SPON1: variants seen among roughly 807,000 people sequenced by gnomAD.
SPON1 encodes spondin-1.
SPON1 carries 52 observed loss-of-function variants against 111.7 expected under a neutral mutation model. The observed-to-expected ratio is 0.47, with a 90% CI of 0.37 to 0.59. SPON1 has a LOEUF of 0.59. Among genes scored for constraint, SPON1 ranks in the 20% least tolerant of loss-of-function variants. SPON1 has a pLI of 0.00. For synonymous variants in SPON1, 410 were observed against 395.8 expected (o/e 1.04, Z -0.43); for missense variants, 957 against 1,068.5 (o/e 0.90, Z 1.46).
rs559129866 is a variant in SPON1, at chr11:14,257,958, C to T, written c.1492+60C>T. On this transcript the variant is annotated intron_variant, in intron 11 of 15. Transcript: ENST00000576479. ...AGGAGTTCAGGAAGGGAGGGTCTGC[C>T]TAGCAGTCAGACAGTGTCCCTGGTG... is the stretch of plus-strand genomic sequence containing the variant. The T allele has an allele frequency of 1.5e-4, 223 of 1,440,338 alleles. 1 individual carries two copies. The Admixed American group carries it at 2.8e-3, about 18-fold the overall frequency. 89.2% of individuals were successfully genotyped at this position (1,440,338 alleles called of 1,614,324 possible).
intron 3 of SPON1, among the ~76,000 whole-genome samples, chr11:14,047,064 A>G (rs1444150632): frequency 6.7e-6 from 1 of 149,776 alleles, no homozygotes; most frequent in African/African-American, 2.5e-5. Context: ...GCACTGCTGA[A>G]CTCTCTTGGT....
At chr11:14,071,523 C>T (rs1848876146) in intron 3 of SPON1, among the ~76,000 whole-genome samples, 1 of 152,176 alleles carries the variant, frequency 6.6e-6, no homozygotes. Context: ...TGCCCACCAT[C>T]ACAACCTAAG....
At chr11:14,072,902 G>A (rs1157385449) in intron 3 of SPON1, among the ~76,000 whole-genome samples, 3 of 152,086 alleles carry the variant, frequency 2.0e-5, no homozygotes, top group Non-Finnish European at 2.9e-5. Context: ...CCATCTCCCT[G>A]CAGGCTCTGG....
intron 5 of SPON1, among the ~76,000 whole-genome samples, chr11:14,085,290 A>C (rs1456830308): frequency 6.6e-6 from 1 of 152,242 alleles, no homozygotes; most frequent in Non-Finnish European, 1.5e-5. Context: ...TTTACATTTA[A>C]GTCTTTAATA....
At chr11:14,115,976 G>T (rs1849263915) in intron 5 of SPON1, among the ~76,000 whole-genome samples, 1 of 152,130 alleles carries the variant, frequency 6.6e-6, no homozygotes, top group Non-Finnish European at 1.5e-5. Flanking sequence ...ATATCACGTT[G>T]GGATTTTGAT....
In SPON1 at chr11:14,078,950, G is replaced by A. The variant is rs575602638; in HGVS notation, c.554-949G>A. On this transcript the variant is annotated intron_variant, in intron 4 of 15. Transcript: ENST00000576479. ...AAATGCTCTTCCTAACACTCACAAT[G>A]ATTTTAACATTCTTTGCCACTACTC... is the stretch of plus-strand genomic sequence containing the variant. 3.0e-4 allele frequency among the ~76,000 whole-genome samples: 45 copies of A among 152,050 alleles called. No individual in the cohort carries two copies. The South Asian group carries it at 4.8e-3, about 16-fold the overall frequency.
rs1329014699 is a variant in SPON1, at chr11:14,146,635, T to A, written c.825+11067T>A. 2.0e-5 allele frequency among the ~76,000 whole-genome samples: 3 copies of A among 151,998 alleles called. No individual in the cohort carries two copies. The East Asian group carries it at 5.8e-4, about 29-fold the overall frequency. ...GCTATAGAAATAGAAAACTAAACAG[T>A]CAACAATAGTCAGAAAATGTTTGAA... On this transcript the variant is annotated intron_variant, in intron 6 of 15. Coordinates refer to ENST00000576479, the MANE Select transcript of SPON1 (RefSeq NM_006108.4).
At chr11:14,138,205 C>G (rs1016657617) in intron 6 of SPON1, among the ~76,000 whole-genome samples, 1 of 152,082 alleles carries the variant, frequency 6.6e-6, no homozygotes, top group African/African-American at 2.4e-5. Context: ...ATATGCTTAC[C>G]AGCATTCTCT....
chr11:13,999,711 A>G (rs375450641), intron 2 of SPON1, among the ~76,000 whole-genome samples: 164 of 152,272 alleles, frequency 1.1e-3, no homozygotes, highest in African/African-American at 3.7e-3. Context: ...CTGGCCTGCT[A>G]TATCACTTTC....
At position 14,188,166 on chromosome 11, in the gene SPON1, C is replaced by G. The variant is rs571625752; in HGVS notation, c.825+52598C>G. ...CAGGTGACCCACCCACCTCAGTATC[C>G]CAAAGTGCTGGGATTACAGGTCTGA... On this transcript the variant is annotated intron_variant, in intron 6 of 15. Transcript: ENST00000576479. 2.0e-5 allele frequency among the ~76,000 whole-genome samples: 3 copies of G among 152,252 alleles called. No homozygotes were observed. In the South Asian group the frequency reaches 6.2e-4, roughly 32 times the overall value.
rs1848759557 is a variant in SPON1 at position 14,228,055 on chromosome 11, C to T, written c.826-15277C>T. Among the ~76,000 whole-genome samples, 1 of 152,176 alleles carries T rather than the reference C, an allele frequency of 6.6e-6. No homozygotes were observed. ...ATAATAACACAAATAAAACTGCAAA[C>T]ACTTTAAATGCTAATTAAGAACATT... On this transcript the variant is annotated intron_variant, in intron 6 of 15. Transcript: ENST00000576479. This position sits in a 1 kb window ranked among gnomAD's most constrained non-coding sequence, Gnocchi z 4.2.
chr11:14,266,573 C>CAG lies in SPON1; in HGVS notation c.*887_*888insGA, dbSNP rs1849271845. On this transcript the variant is annotated 3_prime_UTR_variant, in exon 16 of 16. Transcript: ENST00000576479. ...CTAAATTTTAAAATCTTCCTACACA[C>CAG]ATCTAGACGTTCAAGTTTGCAAATC... 1 of 152,084 alleles carries CAG rather than the reference C, an allele frequency of 6.6e-6. No individual in the cohort carries two copies. The highest frequency in any genetic ancestry group is 2.4e-5 in the African/African-American group (1 of 41,396). 9.4% of individuals were successfully genotyped at this position (152,084 alleles called of 1,614,324 possible).
chr11:14,016,154 A>G lies in SPON1; in HGVS notation c.346-25367A>G, dbSNP rs144558298. 3.2e-3 allele frequency among the ~76,000 whole-genome samples: 493 copies of G among 152,290 alleles called. 2 individuals carry two copies. The highest frequency in any genetic ancestry group is 0.018 in the South Asian group (89 of 4,820). ...ATTCCCTGCTGGTGGTGCCTCAGGAACTTCCTTTCTTTTTGGGTATACCCT... is the reference window on the plus strand; with the variant it reads ...ATTCCCTGCTGGTGGTGCCTCAGGAGCTTCCTTTCTTTTTGGGTATACCCT... On this transcript the variant is annotated intron_variant, in intron 2 of 15. Coordinates refer to ENST00000576479, the MANE Select transcript of SPON1 (RefSeq NM_006108.4).
chr11:14,120,838 A>C (rs1419641119), intron 5 of SPON1, among the ~76,000 whole-genome samples: 1 of 152,232 alleles, frequency 6.6e-6, no homozygotes, highest in African/African-American at 2.4e-5. Flanking sequence ...CAACCATAGA[A>C]GATAGGTACT....
chr11:14,210,634 G>A (rs547993474), intron 6 of SPON1, among the ~76,000 whole-genome samples: 5 of 152,106 alleles, frequency 3.3e-5, no homozygotes, highest in East Asian at 3.9e-4. Flanking sequence ...TCCTGACCTC[G>A]TGATCCACCC....
At chr11:14,215,039 T>C (rs1389074340) in intron 6 of SPON1, among the ~76,000 whole-genome samples, 4 of 152,150 alleles carry the variant, frequency 2.6e-5, no homozygotes, top group Non-Finnish European at 5.9e-5. Flanking sequence ...ACTCTGCCTT[T>C]TTTATGTTTT....
intron 6 of SPON1, among the ~76,000 whole-genome samples, chr11:14,142,166 A>G (rs10832194): frequency 0.4 from 60,409 of 152,070 alleles, 12,275 homozygotes; most frequent in East Asian, 0.55. Context: ...AGTGTAAAGT[A>G]CTTGGAGCAG....
chr11:13,963,405 G>A (rs1554907727), intron 1 of SPON1, among the ~76,000 whole-genome samples: 5 of 152,216 alleles, frequency 3.3e-5, no homozygotes, highest in Admixed American at 1.3e-4. Context: ...GGCGGAGGAT[G>A]TAACTGAGCC....
chr11:13,982,480 G>A (rs1919306), intron 1 of SPON1, among the ~76,000 whole-genome samples: 152,136 of 152,356 alleles, frequency 1, 75,959 homozygotes, highest in Non-Finnish European at 1. Flanking sequence ...TGCTGTGAAG[G>A]ACTAGTTTTC....
Sources: allele counts gnomAD v4.1 joint callset (sites outside exome capture counted in the v4.1 genomes callset), GRCh38; gene constraint gnomAD v4.1.1; non-coding constraint Gnocchi (gnomAD v3.1); transcripts MANE v1.5; gene names NCBI Gene and HGNC (gene_info 2026-07-23, HGNC 2026-07-21).